The following RBP7 variants were observed in gnomAD, a reference collection of about 807,000 sequenced individuals.
RBP7 encodes retinoid-binding protein 7.
Under a neutral mutation model 16.7 loss-of-function variants are expected in RBP7, and 13 were observed. The ratio of observed to expected loss-of-function variants is 0.78; its 90% CI spans 0.51 to 1.24. The LOEUF (loss-of-function observed/expected upper bound fraction) is 1.24, where lower values mean the gene tolerates loss of function less well. RBP7 is among the 50% of genes most tolerant of loss of function. The probability of loss-of-function intolerance (pLI) is 0.00; values close to 1 mark genes in which losing one functional copy is unlikely to be tolerated. For missense variants in RBP7, 145 were observed against 159.5 expected (o/e 0.91, Z 0.49); for synonymous variants, 54 against 56.2 (o/e 0.96, Z 0.17).
chr1:10,002,598 C>G (rs1642308161), intron 1 of RBP7, among the ~76,000 whole-genome samples: 1 of 152,040 alleles, frequency 6.6e-6, no homozygotes, highest in Admixed American at 6.6e-5. Flanking sequence ...CTTCTAGGCT[C>G]AAGCGATCCT....
At position 10,011,831 on chromosome 1, in the gene RBP7, C is replaced by T. The variant is rs542088540; in HGVS notation, c.354+3557C>T. On this transcript the variant is annotated intron_variant, in intron 3 of 3. Transcript: ENST00000294435. ...CAGCACTTTGGGAAGCTGAGGCAGG[C>T]GGATCACCTGAGGTCAGGAGTTCGA... 5.8e-3 allele frequency among the ~76,000 whole-genome samples: 889 copies of T among 152,086 alleles called. 4 individuals carry two copies. The highest frequency in any genetic ancestry group is 0.024 in the Middle Eastern group (7 of 294).
Position 10,015,839 on chromosome 1 carries a change from T to C in RBP7, c.*7T>C. On this transcript the variant is annotated 3_prime_UTR_variant, in exon 4 of 4. Transcript: ENST00000294435. ...GACATTCCAGAGAGCCTGATCCACA[T>C]CCAGCAGCAGAGCCCACTTGTGGCT... is the stretch of plus-strand genomic sequence containing the variant. 6.2e-7 allele frequency: 1 copy of C among 1,613,738 alleles called. No homozygotes were observed. The highest frequency in any genetic ancestry group is 8.5e-7 in the Non-Finnish European group (1 of 1,179,710).
chr1:10,008,053 C>CAAA, intron 2 of RBP7, 120 bp from the exon 3 acceptor site: 11 of 553,120 alleles, frequency 2.0e-5, no homozygotes, highest in East Asian at 3.1e-5. Context: ...GACTCCATCT[C>CAAA]AAAAAAAAAA....
chr1:10,013,644 A>C (rs1219364053), intron 3 of RBP7, among the ~76,000 whole-genome samples: 3 of 152,014 alleles, frequency 2.0e-5, no homozygotes, highest in Non-Finnish European at 4.4e-5. Flanking sequence ...TGCTGTCTCT[A>C]CTAAAAAATA....
At chr1:10,009,793 A>T (rs994119811) in intron 3 of RBP7, among the ~76,000 whole-genome samples, 12 of 152,078 alleles carry the variant, frequency 7.9e-5, no homozygotes, top group African/African-American at 2.7e-4. Context: ...GGGCCTCCCA[A>T]AGTGTTGGGA....
rs1018765680 is a variant in RBP7, at chr1:10,014,625, G to A, written c.355-1157G>A. 5.9e-5 allele frequency among the ~76,000 whole-genome samples: 9 copies of A among 151,946 alleles called. No homozygotes were observed. In the South Asian group the frequency reaches 6.2e-4, roughly 10 times the overall value. ...TGATCTAGAACTCCTGATCTCAGGC[G>A]ATCTGCCCGCCTCGGCCACTCAAAG... On this transcript the variant is annotated intron_variant, in intron 3 of 3. Transcript: ENST00000294435.
intron 1 of RBP7, among the ~76,000 whole-genome samples, chr1:10,003,259 C>G (rs576782781): frequency 7.9e-5 from 12 of 152,232 alleles, no homozygotes; most frequent in African/African-American, 2.4e-4. Context: ...AAACCCATCT[C>G]TACCAAAAAT....
chr1:10,013,118 C>A lies in RBP7; in HGVS notation c.355-2664C>A, dbSNP rs147667862. On this transcript the variant is annotated intron_variant, in intron 3 of 3. Coordinates refer to ENST00000294435, the MANE Select transcript of RBP7 (RefSeq NM_052960.3). ...GACAGAGTCTCACTCTGTCGCCCAT[C>A]CTGGAGTGCAGTAGCTTGATCTCAG... is the stretch of plus-strand genomic sequence containing the variant. Among the ~76,000 whole-genome samples the A allele has an allele frequency of 1.2e-3, 176 of 146,580 alleles. 1 individual carries two copies. Among genetic ancestry groups the A allele is most frequent in the Admixed American group, 3.5e-3 (51 of 14,652 alleles).
At position 10,013,268 on chromosome 1, in the gene RBP7, T is replaced by A. The variant is rs572693077; in HGVS notation, c.355-2514T>A. Among the ~76,000 whole-genome samples the A allele has an allele frequency of 3.3e-5, 5 of 152,130 alleles. No homozygotes were observed. In the East Asian group the frequency reaches 9.8e-4, roughly 30 times the overall value. ...TTATATTTTTAGTACAGACAGGGTT[T>A]CACCATGCTGGTCAGGCTGGTCTCA... is the stretch of plus-strand genomic sequence containing the variant. On this transcript the variant is annotated intron_variant, in intron 3 of 3. Transcript: ENST00000294435.
intron 1 of RBP7, among the ~76,000 whole-genome samples, chr1:10,002,450 G>T (rs1364156608): frequency 6.6e-6 from 1 of 151,962 alleles, no homozygotes; most frequent in Non-Finnish European, 1.5e-5. Context: ...GTTCTAGTAA[G>T]TGTGGACCTG....
chr1:10,010,579 G>C (rs1466937497), intron 3 of RBP7, among the ~76,000 whole-genome samples: 1 of 149,300 alleles, frequency 6.7e-6, no homozygotes, highest in South Asian at 2.1e-4. Flanking sequence ...ACCATGCCCA[G>C]CTAATTTTTT....
At chr1:10,002,116 C>A (rs1401007252) in intron 1 of RBP7, among the ~76,000 whole-genome samples, 1 of 152,194 alleles carries the variant, frequency 6.6e-6, no homozygotes, top group Non-Finnish European at 1.5e-5. Flanking sequence ...GCATGAGCCA[C>A]CACATCTGGC....
At chr1:10,009,234 A>ACCCCGT (rs1004934608) in intron 3 of RBP7, among the ~76,000 whole-genome samples, 5 of 151,756 alleles carry the variant, frequency 3.3e-5, no homozygotes, top group African/African-American at 1.2e-4. Flanking sequence ...ACATGGTGAA[A>ACCCCGT]CCCCGTCTCT....
chr1:9,999,569 TAA>T (rs1328869693), intron 1 of RBP7, among the ~76,000 whole-genome samples: 2 of 151,898 alleles, frequency 1.3e-5, no homozygotes, highest in East Asian at 1.9e-4. Context: ...ATAATAATAA[TAA>T]GTTACCCACT....
chr1:10,015,056 G>A (rs1406095633), intron 3 of RBP7, among the ~76,000 whole-genome samples: 1 of 152,168 alleles, frequency 6.6e-6, no homozygotes, highest in Non-Finnish European at 1.5e-5. Context: ...TGTCAGAAGT[G>A]TTGAGAGTAG....
At chr1:10,006,979 C>T (rs1222249924) in intron 1 of RBP7, 2 of 434,584 alleles carry the variant, frequency 4.6e-6, no homozygotes, top group Non-Finnish European at 9.1e-6. Flanking sequence ...TGGAGTCTCG[C>T]TCTGTTGCTC....
intron 1 of RBP7, among the ~76,000 whole-genome samples, chr1:10,006,652 C>T (rs1642446560): frequency 1.3e-5 from 2 of 149,874 alleles, no homozygotes; most frequent in Non-Finnish European, 3.0e-5. Context: ...GAAATCGTGC[C>T]ACTGCTCTCC....
intron 1 of RBP7, among the ~76,000 whole-genome samples, chr1:9,998,707 A>G (rs892266743): frequency 1.1e-4 from 16 of 151,914 alleles, no homozygotes; most frequent in African/African-American, 3.9e-4. Flanking sequence ...CGCACCGGCC[A>G]ATTTTTGTTT....
chr1:10,010,583 A>ATT (rs144226167), intron 3 of RBP7, among the ~76,000 whole-genome samples: 2,307 of 132,400 alleles, frequency 0.017, 35 homozygotes, highest in Non-Finnish European at 0.028. Flanking sequence ...TGCCCAGCTA[A>ATT]TTTTTTTTTT....
Sources: allele counts gnomAD v4.1 joint callset (sites outside exome capture counted in the v4.1 genomes callset), GRCh38; gene constraint gnomAD v4.1.1; transcripts MANE v1.5; gene names NCBI Gene and HGNC (gene_info 2026-07-23, HGNC 2026-07-21).